Variants in PCDH15 observed in about 807,000 individuals in gnomAD.
PCDH15 encodes protocadherin-15.
In PCDH15, 129 loss-of-function variants were observed where a neutral mutation model predicts 178.5. The ratio of observed to expected loss-of-function variants is 0.72; its 90% CI spans 0.63 to 0.84. The LOEUF is 0.84. Ranked by LOEUF, PCDH15 falls within the 40% of genes least tolerant of loss-of-function variation. The pLI, the probability that PCDH15 is intolerant of heterozygous loss-of-function variation, is 0.00. For synonymous variants in PCDH15, 800 were observed against 732.0 expected (o/e 1.09, Z -1.50); for missense variants, 2,230 against 2,099.9 (o/e 1.06, Z -1.21).
intron 34 of PCDH15, among the ~76,000 whole-genome samples, chr10:53,817,509 T>G (rs1226081845): frequency 2.7e-5 from 4 of 150,240 alleles, no homozygotes; most frequent in African/African-American, 9.8e-5. Flanking sequence ...GTTTTTTTTT[T>G]CTTTTTCTTT....
intron 2 of PCDH15, among the ~76,000 whole-genome samples, chr10:54,561,019 T>C (rs1045966006): frequency 6.6e-6 from 1 of 152,130 alleles, no homozygotes; most frequent in Non-Finnish European, 1.5e-5. Context: ...TTAGAAACTC[T>C]GTTAATGTGA....
chr10:55,273,709 C>A lies in PCDH15; in HGVS notation c.-156+45890G>T, dbSNP rs113704756. 1.9e-3 allele frequency among the ~76,000 whole-genome samples: 289 copies of A among 152,078 alleles called. 5 individuals are homozygous for A. Among genetic ancestry groups the A allele is most frequent in the African/African-American group, 6.6e-3 (272 of 41,420 alleles). On this transcript the variant is annotated intron_variant, in intron 1 of 5. Coordinates refer to the PCDH15 transcript ENST00000458638. ...TAGAACTTTCCTTATATATCAGTCA[C>A]CCAAATTTAATTTATAGAGAGATGT...
chr10:55,151,090 C>T (rs781535337), intron 2 of PCDH15, among the ~76,000 whole-genome samples: 16 of 152,038 alleles, frequency 1.1e-4, no homozygotes, highest in Non-Finnish European at 2.1e-4. Flanking sequence ...TTGTGCCTTT[C>T]GTAGATCCCA....
intron 21 of PCDH15, among the ~76,000 whole-genome samples, chr10:53,970,579 A>C (rs1274527051): frequency 2.0e-5 from 3 of 152,178 alleles, no homozygotes; most frequent in African/African-American, 7.2e-5. Context: ...AGAATCAAAT[A>C]GACACAATAA....
At chr10:55,486,667 T>A (rs1840304831) in intron 2 of PCDH15, among the ~76,000 whole-genome samples, 1 of 151,510 alleles carries the variant, frequency 6.6e-6, no homozygotes, top group Non-Finnish European at 1.5e-5. Flanking sequence ...TGCTGAATCT[T>A]TTTTATTTTA....
At chr10:54,122,953 A>G (rs1010022208) in intron 15 of PCDH15, among the ~76,000 whole-genome samples, 1 of 152,130 alleles carries the variant, frequency 6.6e-6, no homozygotes, top group Non-Finnish European at 1.5e-5. Context: ...GAGCTTGGAT[A>G]GCTGGTGAGC....
intron 2 of PCDH15, among the ~76,000 whole-genome samples, chr10:55,380,078 G>T (rs1168976952): frequency 6.6e-6 from 1 of 152,040 alleles, no homozygotes; most frequent in Non-Finnish European, 1.5e-5. Flanking sequence ...AGAGAAAAAT[G>T]ACTGTGATCA....
At chr10:54,504,037 C>T (rs2080956367) in intron 3 of PCDH15, among the ~76,000 whole-genome samples, 1 of 152,104 alleles carries the variant, frequency 6.6e-6, no homozygotes, top group East Asian at 1.9e-4. Context: ...TCTTAGCTAA[C>T]ATCACGTTTC....
rs142011670 is a variant in PCDH15, at chr10:54,133,858, T to TACAC, written c.1785-855_1785-852dup. On this transcript the variant is annotated intron_variant, in intron 14 of 37. Transcript: ENST00000644397. The stretch of plus-strand genomic sequence containing the variant: ...GTGAAAAAACATATATATGTATACA[T>TACAC]ACACACACACACACACACATATATA... 9.7e-3 allele frequency among the ~76,000 whole-genome samples: 1,296 copies of TACAC among 133,782 alleles called. 35 individuals are homozygous for TACAC. The highest frequency in any genetic ancestry group is 0.024 in the African/African-American group (900 of 37,974). The allele number at this position is 133,782 out of a possible 152,430, so 87.8% of individuals were successfully genotyped here.
intron 1 of PCDH15, among the ~76,000 whole-genome samples, chr10:55,295,202 T>C (rs1843101879): frequency 6.6e-6 from 1 of 152,214 alleles, no homozygotes; most frequent in Admixed American, 6.5e-5. Context: ...TCAATTATAC[T>C]TTCTCCCTTT....
intron 1 of PCDH15, among the ~76,000 whole-genome samples, chr10:55,178,575 A>G (rs1839556890): frequency 6.6e-6 from 1 of 152,038 alleles, no homozygotes; most frequent in Admixed American, 6.6e-5. Context: ...ACTTCTTTCT[A>G]CTTCTTCAGC....
intron 21 of PCDH15, among the ~76,000 whole-genome samples, chr10:53,968,031 C>A (rs12255635): frequency 0.013 from 2,046 of 152,218 alleles, 46 homozygotes; most frequent in African/African-American, 0.044. Context: ...ACAGTGGGTG[C>A]AGCCCATGGA....
intron 3 of PCDH15, among the ~76,000 whole-genome samples, chr10:54,402,428 C>T (rs1226576812): frequency 2.0e-5 from 3 of 151,854 alleles, no homozygotes; most frequent in African/African-American, 4.8e-5. Flanking sequence ...ACAGCATGAT[C>T]GTTTATGTAT....
At chr10:54,058,694 C>CT (rs1337828682) in intron 18 of PCDH15, among the ~76,000 whole-genome samples, 26 of 95,990 alleles carry the variant, frequency 2.7e-4, no homozygotes, top group Non-Finnish European at 3.8e-4. Flanking sequence ...TTCTTTCTTT[C>CT]TTTCTTTTTT....
intron 2 of PCDH15, among the ~76,000 whole-genome samples, chr10:55,018,686 T>C (rs769661383): frequency 9.9e-5 from 15 of 152,054 alleles, no homozygotes; most frequent in Admixed American, 2.0e-4. Context: ...AATGAAACAA[T>C]TGTTATCTCT....
At chr10:55,465,074 A>G (rs2132099787) in intron 2 of PCDH15, among the ~76,000 whole-genome samples, 1 of 152,164 alleles carries the variant, frequency 6.6e-6, no homozygotes, top group East Asian at 1.9e-4. Flanking sequence ...TCTTGGAAAC[A>G]CAGATGTAAA....
chr10:55,366,587 A>T (rs902232159), intron 2 of PCDH15, among the ~76,000 whole-genome samples: 2 of 152,164 alleles, frequency 1.3e-5, no homozygotes, highest in Non-Finnish European at 2.9e-5. Context: ...CTTATAAGCT[A>T]ACTATAGTAG....
At chr10:54,658,270 T>C (rs1361947595) in intron 2 of PCDH15, among the ~76,000 whole-genome samples, 1 of 151,958 alleles carries the variant, frequency 6.6e-6, no homozygotes, top group Non-Finnish European at 1.5e-5. Flanking sequence ...GACATCCAGA[T>C]ACAAACAATT....
At chr10:54,189,457 A>G in intron 11 of PCDH15, 1 of 1,096,762 alleles carries the variant, frequency 9.1e-7, no homozygotes, top group African/African-American at 1.6e-5. Context: ...AAGAAAAAGC[A>G]AACCACTTCC....
Sources: allele counts gnomAD v4.1 joint callset (sites outside exome capture counted in the v4.1 genomes callset), GRCh38; gene constraint gnomAD v4.1.1; transcripts MANE v1.5; gene names NCBI Gene and HGNC (gene_info 2026-07-23, HGNC 2026-07-21).